Variants in RNF17 observed in about 807,000 individuals in gnomAD.
The protein encoded by RNF17 is spermatogenesis associated 23.
A neutral mutation model predicts 200.5 loss-of-function variants in RNF17; 31 were observed. The ratio of observed to expected loss-of-function variants is 0.15; its 90% CI spans 0.12 to 0.21. The LOEUF (loss-of-function observed/expected upper bound fraction) is 0.21, where lower values mean the gene tolerates loss of function less well. RNF17 is among the 10% of genes least tolerant of loss of function. RNF17 has a pLI of 1.00. For synonymous variants in RNF17, 606 were observed against 637.8 expected (o/e 0.95, Z 0.75); for missense variants, 1,628 against 1,905.1 (o/e 0.85, Z 2.71).
chr13:24,784,218 C>T (rs1257730560), intron 6 of RNF17, among the ~76,000 whole-genome samples: 1 of 152,144 alleles, frequency 6.6e-6, no homozygotes, highest in Non-Finnish European at 1.5e-5. Context: ...AGGAATAAAT[C>T]CCACTTGGTC....
chr13:24,831,450 A>G (rs1046900126), intron 17 of RNF17, among the ~76,000 whole-genome samples: 1 of 152,162 alleles, frequency 6.6e-6, no homozygotes, highest in African/African-American at 2.4e-5. Context: ...TCAAAGAAAA[A>G]AAACAAATGA....
chr13:24,857,416 A>G (rs1299143716), intron 25 of RNF17, among the ~76,000 whole-genome samples: 1 of 152,146 alleles, frequency 6.6e-6, no homozygotes, highest in Non-Finnish European at 1.5e-5. Flanking sequence ...CATGGAAGAG[A>G]AGCAATATGA....
chr13:24,845,036 A>T lies in RNF17; in HGVS notation c.3058A>T (p.Thr1020Ser). ...AAGAAAACTTGAAGAAAATCTAAAG[A>T]CAATGGGAAGACTCTCTTTGGAATG... is the stretch of plus-strand genomic sequence containing the variant. The part of the protein sequence containing the change: ...CLRKLEENLK[T>S]MGRLSLECSL... The change falls in exon 22 of 36, where the codon ACA (threonine) becomes TCA (serine). Residue 1020 changes from threonine to serine, a missense_variant. Transcript: ENST00000255324. 1 of 1,600,978 alleles carries T rather than the reference A, an allele frequency of 6.2e-7. No homozygotes were observed. The highest frequency in any genetic ancestry group is 8.6e-7 in the Non-Finnish European group (1 of 1,168,168).
chr13:24,796,716 C>T (rs561101026), intron 11 of RNF17, among the ~76,000 whole-genome samples: 4 of 152,254 alleles, frequency 2.6e-5, no homozygotes, highest in South Asian at 4.1e-4. Flanking sequence ...CCATTCCCAG[C>T]GCCCTACAGA....
chr13:24,838,166 C>T (rs540510217), intron 18 of RNF17, among the ~76,000 whole-genome samples: 21 of 152,104 alleles, frequency 1.4e-4, no homozygotes, highest in African/African-American at 4.3e-4. Context: ...CTGAACAGAC[C>T]AATAACAAGC....
At chr13:24,876,913 A>G (rs1894921325) in intron 33 of RNF17, 84 bp from the exon 34 acceptor site, 1 of 1,106,268 alleles carries the variant, frequency 9.0e-7, no homozygotes, top group Non-Finnish European at 1.3e-6. Flanking sequence ...CAATGTTATG[A>G]AGCGTTTCCC....
At chr13:24,884,465 T>C, downstream of RNF17, 1 of 1,613,956 alleles carries the variant, frequency 6.2e-7, no homozygotes, top group Non-Finnish European at 8.5e-7. Context: ...CTTTTCCACC[T>C]AAAAAACCAA....
At chr13:24,866,626 G>A (rs1893653757) in intron 30 of RNF17, among the ~76,000 whole-genome samples, 1 of 152,212 alleles carries the variant, frequency 6.6e-6, no homozygotes, top group African/African-American at 2.4e-5. Flanking sequence ...TTTTGTTGCT[G>A]AATAAAATTC....
chr13:24,759,861 C>T (rs1878548570), upstream of RNF17, among the ~76,000 whole-genome samples: 1 of 152,192 alleles, frequency 6.6e-6, no homozygotes, highest in African/African-American at 2.4e-5. Flanking sequence ...GTAGTCGCAG[C>T]CAGGCACGGT....
chr13:24,791,208 C>T (rs1208577489), intron 9 of RNF17, among the ~76,000 whole-genome samples: 1 of 152,068 alleles, frequency 6.6e-6, no homozygotes, highest in African/African-American at 2.4e-5. Context: ...ATCACTTAGG[C>T]CATCATATCA....
At chr13:24,773,962 A>G (rs1417204072) in intron 2 of RNF17, among the ~76,000 whole-genome samples, 2 of 152,200 alleles carry the variant, frequency 1.3e-5, no homozygotes, top group African/African-American at 2.4e-5. Context: ...GAAAAAAATC[A>G]GAGACCGCAG....
chr13:24,777,140 T>C (rs1435837370), intron 3 of RNF17, among the ~76,000 whole-genome samples: 4 of 152,244 alleles, frequency 2.6e-5, no homozygotes, highest in African/African-American at 9.6e-5. Flanking sequence ...ACTCATTTAC[T>C]GATTTGTCTT....
chr13:24,800,550 AT>A lies in RNF17; in HGVS notation c.1758+18del. ...ACAGAATTCAGTAAGTGAGACTTTA[AT>A]TATTTTTTCCTTCAGAGGTTATTAC... On this transcript the variant is annotated intron_variant, in intron 13 of 35. Coordinates refer to ENST00000255324, the MANE Select transcript of RNF17 (RefSeq NM_031277.3). The A allele has an allele frequency of 6.2e-7, 1 of 1,606,914 alleles. No homozygotes were observed. The highest frequency in any genetic ancestry group is 8.5e-7 in the Non-Finnish European group (1 of 1,175,404).
intron 15 of RNF17, among the ~76,000 whole-genome samples, chr13:24,819,567 T>A (rs185323966): frequency 3.9e-5 from 6 of 152,204 alleles, no homozygotes; most frequent in African/African-American, 1.4e-4. Flanking sequence ...AGATTACATA[T>A]AACATCCTAA....
intron 23 of RNF17, among the ~76,000 whole-genome samples, chr13:24,851,023 T>G (rs1438210171): frequency 1.3e-5 from 2 of 152,174 alleles, no homozygotes; most frequent in Non-Finnish European, 2.9e-5. Context: ...AGATGGAGTT[T>G]TGCTCTTGTG....
chr13:24,855,740 C>A (rs561541458), intron 25 of RNF17, among the ~76,000 whole-genome samples: 32 of 152,222 alleles, frequency 2.1e-4, no homozygotes, highest in African/African-American at 7.5e-4. Context: ...TCTTGTTACC[C>A]CACATCCTTG....
intron 18 of RNF17, among the ~76,000 whole-genome samples, chr13:24,837,041 T>C (rs1198519909): frequency 2.0e-5 from 3 of 152,092 alleles, no homozygotes; most frequent in Admixed American, 2.0e-4. Flanking sequence ...AGGCATTTCA[T>C]GCAGATGGAC....
intron 25 of RNF17, among the ~76,000 whole-genome samples, chr13:24,854,375 A>G (rs1892247721): frequency 6.6e-6 from 1 of 152,198 alleles, no homozygotes; most frequent in Admixed American, 6.5e-5. Context: ...TGTGAGTGCT[A>G]TTCTCAGTAT....
Position 24,789,474 on chromosome 13 carries a change from G to A in RNF17, c.860+50G>A, listed in dbSNP as rs767962374. 4.7e-6 allele frequency: 6 copies of A among 1,270,886 alleles called. No homozygotes were observed. In the East Asian group the frequency reaches 1.2e-4, roughly 25 times the overall value. 78.7% of individuals were successfully genotyped at this position (1,270,886 alleles called of 1,614,324 possible). On this transcript the variant is annotated intron_variant, in intron 8 of 35. Transcript: ENST00000255324. ...CCATAACAAGTATAAAGATGTGCTGGAACTTAAATGTATTAAAATAGCAAG... is the reference window on the plus strand; with the variant it reads ...CCATAACAAGTATAAAGATGTGCTGAAACTTAAATGTATTAAAATAGCAAG...
Sources: allele counts gnomAD v4.1 joint callset (sites outside exome capture counted in the v4.1 genomes callset), GRCh38; gene constraint gnomAD v4.1.1; transcripts MANE v1.5; gene names NCBI Gene and HGNC (gene_info 2026-07-23, HGNC 2026-07-21).